The following PSAP variants were observed in gnomAD, a reference collection of about 807,000 sequenced individuals.
The protein encoded by PSAP is prosaposin.
A neutral mutation model predicts 66.0 loss-of-function variants in PSAP; 25 were observed. The observed-to-expected ratio is 0.38, with a 90% CI of 0.28 to 0.53. The LOEUF is 0.53. Among genes scored for constraint, PSAP ranks in the 20% least tolerant of loss-of-function variants. The pLI, the probability that PSAP is intolerant of heterozygous loss-of-function variation, is 0.83. For synonymous variants in PSAP, 273 were observed against 258.9 expected (o/e 1.05, Z -0.52); for missense variants, 649 against 668.8 (o/e 0.97, Z 0.33).
At chr10:71,842,844 T>A (rs1842752694) in intron 1 of PSAP, among the ~76,000 whole-genome samples, 1 of 152,122 alleles carries the variant, frequency 6.6e-6, no homozygotes, top group Non-Finnish European at 1.5e-5. Flanking sequence ...TTTCTTAAAA[T>A]TAATTTCAGA....
intron 1 of PSAP, among the ~76,000 whole-genome samples, chr10:71,846,083 GTA>G (rs777898344): frequency 3.9e-5 from 6 of 152,118 alleles, no homozygotes; most frequent in Non-Finnish European, 1.5e-5. Flanking sequence ...TTTATTAGTG[GTA>G]CAGCAACAAA....
Position 71,820,353 on chromosome 10 carries a change from G to GGAGA in PSAP, c.910-22_910-19dup. Reference sequence around the variant, plus strand: ...TCGTGCTTCTGTGGAAAGAGTAGAAGGAGAGTACTTTCAATGCTGGGACTC... The same window carrying GGAGA: ...TCGTGCTTCTGTGGAAAGAGTAGAAGGAGAGAGAGTACTTTCAATGCTGGGACTC... On this transcript the variant is annotated intron_variant, in intron 8 of 13. Coordinates refer to ENST00000394936, the MANE Select transcript of PSAP (RefSeq NM_002778.4). 6.3e-7 allele frequency: 1 copy of GGAGA among 1,599,974 alleles called. No individual in the cohort carries two copies. Among genetic ancestry groups the GGAGA allele is most frequent in the Non-Finnish European group, 8.6e-7 (1 of 1,167,132 alleles).
chr10:71,818,528 TG>T, intron 13 of PSAP, 88 bp downstream of exon 13: 2 of 1,134,698 alleles, frequency 1.8e-6, no homozygotes, highest in South Asian at 2.5e-5. Flanking sequence ...GGTGGAGAGT[TG>T]ATCACTGGGT....
In PSAP at chr10:71,819,084, G is replaced by A; in HGVS notation, c.1378C>T (p.Pro460Ser). The A allele has an allele frequency of 5.6e-6, 9 of 1,614,156 alleles. No homozygotes were observed. The highest frequency in any genetic ancestry group is 6.8e-6 in the Non-Finnish European group (8 of 1,179,984). Residue 460 changes from proline (P) to serine (S), a missense_variant, in exon 12 of 14, where the codon CCC becomes TCC. Coordinates refer to ENST00000394936, the MANE Select transcript of PSAP (RefSeq NM_002778.4). ...QCDQFVAEYE[P>S]VLIEILVEVM... is the part of the protein sequence containing the mutation. The stretch of plus-strand genomic sequence containing the variant: ...TCCACCAGGATCTCGATCAGCACGG[G>A]CTCGTACTCTGCCACAAACTGATCA...
At chr10:71,847,187 G>T (rs1470915696) in intron 1 of PSAP, among the ~76,000 whole-genome samples, 1 of 151,948 alleles carries the variant, frequency 6.6e-6, no homozygotes, top group African/African-American at 2.4e-5. Context: ...GGGTGCGGTG[G>T]CTCACACCTG....
Position 71,829,095 on chromosome 10 carries a change from A to G in PSAP, c.376-18T>C, listed in dbSNP as rs369993483. The G allele has an allele frequency of 6.2e-7, 1 of 1,608,678 alleles. No homozygotes were observed. Among genetic ancestry groups the G allele is most frequent in the Non-Finnish European group, 8.5e-7 (1 of 1,175,532 alleles). On this transcript the variant is annotated intron_variant, in intron 4 of 13. Coordinates refer to ENST00000394936, the MANE Select transcript of PSAP (RefSeq NM_002778.4). ...GGACGGCTCTGGTGGGATGGAAAGA[A>G]GTCCTGCTGAAAATCCTCTCCCCAG...
At chr10:71,837,239 A>T (rs1842642882) in intron 1 of PSAP, among the ~76,000 whole-genome samples, 1 of 152,250 alleles carries the variant, frequency 6.6e-6, no homozygotes, top group South Asian at 2.1e-4. Context: ...AGCCTGTGGT[A>T]TGCAACGGAT....
intron 6 of PSAP, among the ~76,000 whole-genome samples, chr10:71,826,111 G>A (rs749711586): frequency 1.1e-4 from 16 of 152,200 alleles, no homozygotes; most frequent in African/African-American, 3.1e-4. Flanking sequence ...TGCAAAAGAC[G>A]TTTTGAAAAT....
Position 71,849,658 on chromosome 10 carries a change from G to A in PSAP, c.40+1524C>T, listed in dbSNP as rs142347362. Reference sequence around the variant, plus strand: ...AAACAAAAAAAAAACGGCCAATAGCGTGCAAGACTTTCTTTTCTCTTTTTC... The same window carrying A: ...AAACAAAAAAAAAACGGCCAATAGCATGCAAGACTTTCTTTTCTCTTTTTC... On this transcript the variant is annotated intron_variant, in intron 1 of 13. Coordinates refer to ENST00000394936, the MANE Select transcript of PSAP (RefSeq NM_002778.4). Among the ~76,000 whole-genome samples, 13 of 152,008 alleles carry A rather than the reference G, an allele frequency of 8.6e-5. No individual in the cohort carries two copies. In the East Asian group the frequency reaches 2.1e-3, roughly 25 times the overall value.
At chr10:71,841,954 C>T (rs182403068) in intron 1 of PSAP, among the ~76,000 whole-genome samples, 539 of 151,102 alleles carry the variant, frequency 3.6e-3, no homozygotes, top group African/African-American at 0.013. Context: ...TGCAGTGAGC[C>T]GAGATCAAGC....
chr10:71,850,032 C>G (rs1842897922), intron 1 of PSAP, among the ~76,000 whole-genome samples: 1 of 150,582 alleles, frequency 6.6e-6, no homozygotes. Context: ...CAATCTGACT[C>G]TGGCATAACA....
chr10:71,817,617 A>G (rs1325200920), intron 13 of PSAP, 141 bp from the exon 14 acceptor site: 1 of 824,820 alleles, frequency 1.2e-6, no homozygotes, highest in East Asian at 2.5e-5. Flanking sequence ...CTGAAGACCC[A>G]GGACAGGATC....
chr10:71,849,257 G>A (rs1260365073), intron 1 of PSAP, among the ~76,000 whole-genome samples: 1 of 152,194 alleles, frequency 6.6e-6, no homozygotes, highest in Non-Finnish European at 1.5e-5. Flanking sequence ...TTGTGTACAA[G>A]TAAAACAAAT....
At chr10:71,826,494 T>C (rs1170926062) in intron 6 of PSAP, among the ~76,000 whole-genome samples, 2 of 152,224 alleles carry the variant, frequency 1.3e-5, no homozygotes, top group African/African-American at 2.4e-5. Context: ...AATGGTGTTA[T>C]GCAAAGACAC....
intron 1 of PSAP, among the ~76,000 whole-genome samples, chr10:71,840,046 A>G (rs1164674875): frequency 3.3e-5 from 5 of 152,206 alleles, no homozygotes. Context: ...GATTTTCTGA[A>G]GCAATCTTAA....
rs149861683 is a variant in PSAP, at chr10:71,832,014, T to G, written c.175-94A>C. On this transcript the variant is annotated intron_variant, in intron 2 of 13. Coordinates refer to ENST00000394936, the MANE Select transcript of PSAP (RefSeq NM_002778.4). ...CCCATGGCCTTTTCGCTATTCTCTC[T>G]AACCAGGGATATGATCATGACCGCG... The G allele has an allele frequency of 6.6e-4, 813 of 1,226,320 alleles. 4 individuals carry two copies. The African/African-American group carries it at 9.2e-3, about 14-fold the overall frequency. 76.0% of individuals were successfully genotyped at this position (1,226,320 alleles called of 1,614,324 possible). A position where few individuals can be genotyped will look rare whatever the true frequency, so the allele number is the denominator to read the frequency against.
At position 71,829,014 on chromosome 10, in the gene PSAP, C is replaced by T. The variant is rs1208872129; in HGVS notation, c.439G>A (p.Glu147Lys). The stretch of plus-strand genomic sequence containing the variant: ...TCCAGCTGCTTCTGGTGATTCAGCT[C>T]TGCTAGGTGCTTCTGGAGAGACTCG... ...LCESLQKHLA[E>K]LNHQKQLESN... is the part of the protein sequence containing the mutation. The change falls in exon 5 of 14, where the codon GAG becomes AAG. Residue 147 changes from glutamate to lysine, a missense_variant. Transcript: ENST00000394936. 1.1e-5 allele frequency: 17 copies of T among 1,614,140 alleles called. No individual in the cohort carries two copies. The highest frequency in any genetic ancestry group is 1.7e-5 in the Admixed American group (1 of 60,032).
rs1207617334 is a variant in PSAP at position 71,847,373 on chromosome 10, A to G, written c.40+3809T>C. Among the ~76,000 whole-genome samples the G allele has an allele frequency of 2.0e-5, 3 of 152,210 alleles. No homozygotes were observed. The East Asian group carries it at 5.8e-4, about 29-fold the overall frequency. On this transcript the variant is annotated intron_variant, in intron 1 of 13. Transcript: ENST00000394936. ...GGTCAACTAAATATTGTGGTTAACC[A>G]TAAGCCCATATATACCAGAGGTGGA...
chr10:71,847,176 C>T (rs773957621), intron 1 of PSAP, among the ~76,000 whole-genome samples: 6 of 151,986 alleles, frequency 3.9e-5, no homozygotes, highest in African/African-American at 7.3e-5. Flanking sequence ...CTGTCAGGGC[C>T]GGGTGCGGTG....
Sources: gnomAD v4.1 joint callset for allele counts (sites outside exome capture counted in the v4.1 genomes callset) on GRCh38, gnomAD v4.1.1 for gene constraint, MANE v1.5 for transcripts, NCBI Gene and HGNC (gene_info 2026-07-23, HGNC 2026-07-21) for gene names.